The following TENM2 variants were observed in gnomAD, a reference collection of about 807,000 sequenced individuals.
The protein encoded by TENM2 is teneurin transmembrane protein 2, also known as teneurin-2.
A neutral mutation model predicts 245.2 loss-of-function variants in TENM2; 52 were observed. The ratio of observed to expected loss-of-function variants is 0.21; its 90% CI spans 0.17 to 0.27. The LOEUF is 0.27. TENM2 is among the 10% of genes least tolerant of loss of function. The pLI is 1.00. For synonymous variants in TENM2, 1,363 were observed against 1,438.9 expected (o/e 0.95, Z 1.19); for missense variants, 3,046 against 3,666.8 (o/e 0.83, Z 4.37).
chr5:168,116,388 G>T lies in TENM2; in HGVS notation c.1814-1904G>T, dbSNP rs78472164. ...TTTGAGGGGAAATGACCCCTCAATC[G>T]TATGTCAACTATTGAGATACTTACA... On this transcript the variant is annotated intron_variant, in intron 9 of 28. Transcript: ENST00000518659. Among the ~76,000 whole-genome samples the T allele has an allele frequency of 7.9e-3, 1,200 of 152,214 alleles. 13 individuals are homozygous for T. The highest frequency in any genetic ancestry group is 0.027 in the African/African-American group (1,133 of 41,524).
At chr5:166,994,772 C>A in the TENM2 span, among the ~76,000 whole-genome samples, 1 of 152,116 alleles carries the variant, frequency 6.6e-6, no homozygotes, top group Non-Finnish European at 1.5e-5. Flanking sequence ...AGGTAGCTTG[C>A]CATCTTGAGC....
intron 3 of TENM2, among the ~76,000 whole-genome samples, chr5:167,904,666 A>C (rs1775952921): frequency 6.6e-6 from 1 of 152,086 alleles, no homozygotes; most frequent in African/African-American, 2.4e-5. Context: ...ATTTTTTCTC[A>C]TTTCCCCCTG....
chr5:168,144,356 A>G (rs113315392), intron 12 of TENM2, among the ~76,000 whole-genome samples: 41,797 of 150,366 alleles, frequency 0.28, 6,313 homozygotes, highest in East Asian at 0.63. Context: ...ACAGTCCCCA[A>G]AGTGTGATAT....
intron 2 of TENM2, among the ~76,000 whole-genome samples, chr5:167,534,803 A>G (rs1435141552): frequency 1.3e-5 from 2 of 152,164 alleles, no homozygotes; most frequent in African/African-American, 2.4e-5. Context: ...TCGTCTGTCA[A>G]CGTGGATTTC....
intron 2 of TENM2, among the ~76,000 whole-genome samples, chr5:167,507,376 A>G (rs1174088195): frequency 6.6e-6 from 1 of 152,224 alleles, no homozygotes; most frequent in South Asian, 2.1e-4. Context: ...GTCAATATCA[A>G]AGGCTGAAGT....
At chr5:167,956,488 G>A (rs978288613) in intron 4 of TENM2, among the ~76,000 whole-genome samples, 15 of 151,918 alleles carry the variant, frequency 9.9e-5, no homozygotes, top group African/African-American at 1.7e-4. Flanking sequence ...GATTTCCCTC[G>A]CCAGAACTTC....
chr5:167,969,294 A>C (rs2151915174), intron 4 of TENM2, among the ~76,000 whole-genome samples: 1 of 151,948 alleles, frequency 6.6e-6, no homozygotes, highest in South Asian at 2.1e-4. Flanking sequence ...GTAGTGAATA[A>C]GTCTCATGAG....
chr5:168,016,224 T>A (rs1278998038), intron 5 of TENM2, among the ~76,000 whole-genome samples: 2 of 152,192 alleles, frequency 1.3e-5, no homozygotes, highest in East Asian at 3.9e-4. Context: ...CTTACGGATG[T>A]TAAGTAGCTT....
chr5:167,939,010 A>G lies in TENM2; in HGVS notation c.713-13578A>G, dbSNP rs112460288. ...TAATGTGTCACTGTTCTTGTGTAAG[A>G]AATTTAATTGGACAGAAGGCAAAAG... On this transcript the variant is annotated intron_variant, in intron 3 of 28. Transcript: ENST00000518659. Among the ~76,000 whole-genome samples, 741 of 152,264 alleles carry G rather than the reference A, an allele frequency of 4.9e-3. 6 individuals are homozygous for G. Among genetic ancestry groups the G allele is most frequent in the African/African-American group, 0.016 (669 of 41,536 alleles).
the TENM2 span, among the ~76,000 whole-genome samples, chr5:167,129,219 G>A: frequency 3.3e-4 from 51 of 152,280 alleles, no homozygotes; most frequent in African/African-American, 1.1e-3. Context: ...TGTGTGTGGC[G>A]TGCTGGGTGA....
the TENM2 span, among the ~76,000 whole-genome samples, chr5:167,042,665 G>A: frequency 2.0e-5 from 3 of 152,170 alleles, no homozygotes; most frequent in African/African-American, 7.2e-5. Context: ...TTCCAAGACA[G>A]TTTTGAGGAG....
intron 8 of TENM2, among the ~76,000 whole-genome samples, chr5:168,091,645 A>G (rs766838497): frequency 6.6e-6 from 1 of 152,212 alleles, no homozygotes; most frequent in Non-Finnish European, 1.5e-5. Flanking sequence ...CAGAAGAATA[A>G]ATTGAGATTC....
rs180981008 is a variant in TENM2, at chr5:167,998,338, T to C, written c.1186+5156T>C. Among the ~76,000 whole-genome samples, 1,070 of 152,346 alleles carry C rather than the reference T, an allele frequency of 7.0e-3. 3 individuals are homozygous for C. The highest frequency in any genetic ancestry group is 0.02 in the Middle Eastern group (6 of 294). ...TGTGTCATGGAATGACATCATTGCTTTCTTGTCCTAGGTTAACATTGGAAT... is the reference window on the plus strand; with the variant it reads ...TGTGTCATGGAATGACATCATTGCTCTCTTGTCCTAGGTTAACATTGGAAT... On this transcript the variant is annotated intron_variant, in intron 5 of 28. Coordinates refer to ENST00000518659, the Ensembl canonical transcript of TENM2.
chr5:168,051,722 G>C (rs1186579989), intron 6 of TENM2, among the ~76,000 whole-genome samples: 1 of 152,198 alleles, frequency 6.6e-6, no homozygotes, highest in Non-Finnish European at 1.5e-5. Context: ...CTGTATGACT[G>C]TAAGTGGGTC....
chr5:166,987,169 G>C, the TENM2 span, among the ~76,000 whole-genome samples: 1 of 152,052 alleles, frequency 6.6e-6, no homozygotes, highest in Non-Finnish European at 1.5e-5. Context: ...CTATTCCTGG[G>C]CAATTTTCAA....
the TENM2 span, among the ~76,000 whole-genome samples, chr5:167,135,728 C>T: frequency 1.3e-5 from 2 of 151,748 alleles, no homozygotes; most frequent in African/African-American, 4.8e-5. Context: ...GAGCCAAGGC[C>T]GAGGTTGCAG....
the TENM2 span, among the ~76,000 whole-genome samples, chr5:167,124,818 AT>A: frequency 6.6e-6 from 1 of 152,290 alleles, no homozygotes; most frequent in South Asian, 2.1e-4. Flanking sequence ...TTGTCTAAAA[AT>A]ATAATTTCTA....
intron 12 of TENM2, among the ~76,000 whole-genome samples, chr5:168,127,618 G>A (rs907832640): frequency 2.2e-4 from 34 of 152,290 alleles, no homozygotes; most frequent in African/African-American, 7.5e-4. Flanking sequence ...TTTCGGCACA[G>A]TTGTGGTTTA....
chr5:167,347,272 G>T (rs1457045663), intron 1 of TENM2, among the ~76,000 whole-genome samples: 2 of 152,120 alleles, frequency 1.3e-5, no homozygotes, highest in Non-Finnish European at 2.9e-5. Flanking sequence ...GCTTTGCTAT[G>T]GTAGAAGGCA....
Sources: gnomAD v4.1 joint callset for allele counts (sites outside exome capture counted in the v4.1 genomes callset) on GRCh38, gnomAD v4.1.1 for gene constraint, MANE v1.5 for transcripts, NCBI Gene and HGNC (gene_info 2026-07-23, HGNC 2026-07-21) for gene names.